NUDC: variants seen among roughly 807,000 people sequenced by gnomAD.
NUDC encodes the protein nuclear migration protein nudC.
A neutral mutation model predicts 45.0 loss-of-function variants in NUDC; 14 were observed. That is an observed-to-expected ratio of 0.31 (90% CI 0.21 to 0.49). The LOEUF is 0.49. Among genes scored for constraint, NUDC ranks in the 20% least tolerant of loss-of-function variants. The pLI, the probability that NUDC is intolerant of heterozygous loss-of-function variation, is 0.99. For synonymous variants in NUDC, 153 were observed against 156.7 expected (o/e 0.98, Z 0.17); for missense variants, 323 against 426.2 (o/e 0.76, Z 2.13).
chr1:26,929,657 C>T (rs1373557280), intron 2 of NUDC: 1 of 381,776 alleles, frequency 2.6e-6, no homozygotes, highest in Non-Finnish European at 5.4e-6. Flanking sequence ...ATTCCACTTA[C>T]ATATAATTGA....
intron 3 of NUDC, among the ~76,000 whole-genome samples, chr1:26,914,871 GC>G (rs2082052781): frequency 6.6e-6 from 1 of 151,892 alleles, no homozygotes; most frequent in African/African-American, 2.4e-5. Flanking sequence ...AGAGGCTAAG[GC>G]AAAAGAATCA....
Position 26,945,694 on chromosome 1 carries a change from A to G in NUDC, c.944+8A>G. Reference sequence around the variant, plus strand: ...ACAGGAGATTCTGAAGAAGTGAGCAATTCAGAGACGGGGTTGGGGGACCGT... The same window carrying G: ...ACAGGAGATTCTGAAGAAGTGAGCAGTTCAGAGACGGGGTTGGGGGACCGT... On this transcript the variant is annotated splice_region_variant and intron_variant, in intron 8 of 8. Coordinates refer to ENST00000321265, the MANE Select transcript of NUDC (RefSeq NM_006600.4). 1 of 1,605,218 alleles carries G rather than the reference A, an allele frequency of 6.2e-7. No homozygotes were observed. The highest frequency in any genetic ancestry group is 1.1e-5 in the South Asian group (1 of 90,914).
chr1:26,913,899 AG>A lies in NUDC; in HGVS notation c.93+2665del, dbSNP rs748209717. Reference sequence around the variant, plus strand: ...CGTAGAGAATGGCGGGGCGGCTTGCAGCTCCCTGGCATGGGCAGGCCCCTGG... The same window carrying A: ...CGTAGAGAATGGCGGGGCGGCTTGCACTCCCTGGCATGGGCAGGCCCCTGG... On this transcript the variant is annotated intron_variant, in intron 3 of 6. Coordinates refer to the NUDC transcript ENST00000435827. 1.0e-5 allele frequency: 15 copies of A among 1,485,872 alleles called. No individual in the cohort carries two copies. Among genetic ancestry groups the A allele is most frequent in the Non-Finnish European group, 1.3e-5 (14 of 1,116,226 alleles). 92.0% of individuals were successfully genotyped at this position (1,485,872 alleles called of 1,614,324 possible).
intron 2 of NUDC, among the ~76,000 whole-genome samples, chr1:26,939,304 C>T (rs1184965115): frequency 6.6e-6 from 1 of 152,034 alleles, no homozygotes; most frequent in African/African-American, 2.4e-5. Flanking sequence ...GGGCATGAGC[C>T]ACCACACCTG....
chr1:26,908,337 G>A (rs921644225), intron 2 of NUDC, among the ~76,000 whole-genome samples: 8 of 152,154 alleles, frequency 5.3e-5, no homozygotes, highest in African/African-American at 1.9e-4. Flanking sequence ...CTTTTGGAAA[G>A]CCTACAGTCT....
intron 2 of NUDC, among the ~76,000 whole-genome samples, chr1:26,932,395 T>G (rs145491463): frequency 2.2e-3 from 332 of 152,064 alleles, no homozygotes; most frequent in African/African-American, 7.4e-3. Context: ...CAGTCAAACC[T>G]GTCTTGAACT....
At chr1:26,918,625 C>T (rs10902647), upstream of NUDC, among the ~76,000 whole-genome samples, 1 of 144,344 alleles carries the variant, frequency 6.9e-6, no homozygotes, top group East Asian at 2.1e-4. Context: ...CCCAGGCTGG[C>T]GTGCAATGGC....
intron 3 of NUDC, chr1:26,914,023 C>T: frequency 3.4e-6 from 4 of 1,179,008 alleles, no homozygotes; most frequent in Non-Finnish European, 3.3e-6. Context: ...GTGAGTGGAA[C>T]GGGGGGAATG....
At chr1:26,918,865 T>C (rs1415861408), upstream of NUDC, among the ~76,000 whole-genome samples, 3 of 151,726 alleles carry the variant, frequency 2.0e-5, no homozygotes, top group Admixed American at 6.6e-5. Flanking sequence ...CGTGAGCCAC[T>C]GCACCCAGCC....
At chr1:26,907,926 C>T (rs968041933) in intron 2 of NUDC, among the ~76,000 whole-genome samples, 17 of 152,334 alleles carry the variant, frequency 1.1e-4, no homozygotes, top group Admixed American at 8.5e-4. Flanking sequence ...TGCCTGTAAT[C>T]CCAGCACTTT....
At chr1:26,916,692 C>T (rs890137143) in intron 3 of NUDC, among the ~76,000 whole-genome samples, 6 of 152,124 alleles carry the variant, frequency 3.9e-5, no homozygotes, top group Non-Finnish European at 7.4e-5. Context: ...GGCACGGTGG[C>T]TCACACCTGT....
At chr1:26,913,315 A>G (rs1557667086) in intron 3 of NUDC, 5 of 1,116,892 alleles carry the variant, frequency 4.5e-6, no homozygotes, top group Admixed American at 1.7e-5. Flanking sequence ...TGAGGACCCA[A>G]TGAGATAACA....
chr1:26,933,611 A>G (rs1020469636), intron 2 of NUDC, among the ~76,000 whole-genome samples: 1 of 150,994 alleles, frequency 6.6e-6, no homozygotes, highest in African/African-American at 2.4e-5. Context: ...ACGGGGTTTC[A>G]CCATGTTGGC....
chr1:26,942,692 G>C lies in NUDC; in HGVS notation c.462G>C (p.Lys154Asn), dbSNP rs1312408437. The change falls in exon 5 of 9, where the codon AAG becomes AAC. Residue 154 changes from lysine (K) to asparagine (N), a missense_variant. Lys to Asn is a moderately conservative substitution (Grantham distance 94). Around this residue, in one of 3 missense-constraint regions of NUDC, gnomAD observed 245 missense variants for 278.8 expected, o/e 0.88. Coordinates refer to ENST00000321265, the MANE Select transcript of NUDC (RefSeq NM_006600.4). The stretch of plus-strand genomic sequence containing the variant: ...AGGAAGATGAGGAGGAAGATGAGAA[G>C]GACAAAGGAAAACTGAAGCCCAACC... ...DTEEDEEEDE[K>N]DKGKLKPNLG... 1.2e-6 allele frequency: 2 copies of C among 1,614,204 alleles called. No homozygotes were observed. Among genetic ancestry groups the C allele is most frequent in the African/African-American group, 1.3e-5 (1 of 75,064 alleles).
chr1:26,918,951 T>C (rs781513916), upstream of NUDC, among the ~76,000 whole-genome samples: 3 of 152,068 alleles, frequency 2.0e-5, no homozygotes, highest in Non-Finnish European at 4.4e-5. Context: ...CTAATCTTTG[T>C]ATTTTTAGTA....
At chr1:26,927,340 T>C (rs1221342138) in intron 2 of NUDC, among the ~76,000 whole-genome samples, 1 of 149,232 alleles carries the variant, frequency 6.7e-6, no homozygotes, top group African/African-American at 2.5e-5. Context: ...TGGAGCACAG[T>C]GGCGTGATCC....
intron 1 of NUDC, among the ~76,000 whole-genome samples, chr1:26,923,439 G>A (rs1570723358): frequency 6.6e-6 from 1 of 152,120 alleles, no homozygotes; most frequent in Non-Finnish European, 1.5e-5. Flanking sequence ...GGCTTCATTT[G>A]CTCTCCTCCT....
intron 3 of NUDC, among the ~76,000 whole-genome samples, chr1:26,915,376 G>A (rs1333960184): frequency 6.6e-6 from 1 of 152,140 alleles, no homozygotes; most frequent in Non-Finnish European, 1.5e-5. Flanking sequence ...GCCCACTTGT[G>A]ATCTGGGCAG....
At chr1:26,925,697 A>G (rs980365465) in intron 2 of NUDC, among the ~76,000 whole-genome samples, 1 of 151,436 alleles carries the variant, frequency 6.6e-6, no homozygotes, top group Non-Finnish European at 1.5e-5. Flanking sequence ...TATACTTTTG[A>G]AAATTGTTAT....
Sources: gnomAD v4.1 joint callset for allele counts (sites outside exome capture counted in the v4.1 genomes callset) on GRCh38, gnomAD v4.1.1 for gene constraint, gnomAD v4.1.1 regional missense constraint, MANE v1.5 for transcripts, NCBI Gene and HGNC (gene_info 2026-07-23, HGNC 2026-07-21) for gene names.